Variants in SYN2 observed in about 807,000 individuals in gnomAD.
The protein encoded by SYN2 is synapsin-2.
Under a neutral mutation model 50.9 loss-of-function variants are expected in SYN2, and 19 were observed. The observed-to-expected ratio is 0.37, with a 90% CI of 0.26 to 0.55. SYN2 has a LOEUF of 0.55. SYN2 is among the 20% of genes least tolerant of loss of function. The probability of loss-of-function intolerance (pLI) is 0.81; values close to 1 mark genes in which losing one functional copy is unlikely to be tolerated. For missense variants in SYN2, 587 were observed against 576.4 expected (o/e 1.02, Z -0.19); for synonymous variants, 255 against 224.9 (o/e 1.13, Z -1.20).
At chr3:12,125,810 G>A (rs1696655495) in intron 1 of SYN2, among the ~76,000 whole-genome samples, 1 of 145,774 alleles carries the variant, frequency 6.9e-6, no homozygotes, top group Admixed American at 7.0e-5. Context: ...GCAAATGTCA[G>A]CCCAGCTTGA....
intron 1 of SYN2, among the ~76,000 whole-genome samples, chr3:12,131,003 G>A (rs1191081903): frequency 6.6e-6 from 1 of 152,192 alleles, no homozygotes; most frequent in African/African-American, 2.4e-5. Context: ...AGGCACAGGG[G>A]CTGGGAAACT....
chr3:12,113,433 C>T (rs1212787442), intron 1 of SYN2, among the ~76,000 whole-genome samples: 1 of 152,082 alleles, frequency 6.6e-6, no homozygotes, highest in Non-Finnish European at 1.5e-5. Flanking sequence ...ATATTTACCC[C>T]TCCCCATTTA....
chr3:12,052,164 C>G (rs1035733244), intron 1 of SYN2, among the ~76,000 whole-genome samples: 1 of 152,114 alleles, frequency 6.6e-6, no homozygotes, highest in Non-Finnish European at 1.5e-5. Flanking sequence ...ACATGCTAGG[C>G]GTTGTGCTAG....
At chr3:12,104,570 C>CTT (rs796837275) in intron 1 of SYN2, among the ~76,000 whole-genome samples, 5,876 of 81,440 alleles carry the variant, frequency 0.072, 833 homozygotes, top group African/African-American at 0.19. Flanking sequence ...CTTTTCTTTT[C>CTT]TTTTTTTTTT....
At chr3:12,109,951 G>T (rs1167085108) in intron 1 of SYN2, among the ~76,000 whole-genome samples, 1 of 152,100 alleles carries the variant, frequency 6.6e-6, no homozygotes, top group Admixed American at 6.6e-5. Flanking sequence ...ACTCTCCAAG[G>T]CCAAGATGGG....
intron 1 of SYN2, among the ~76,000 whole-genome samples, chr3:12,099,964 C>CAAAAA (rs1413918070): frequency 1.3e-4 from 1 of 7,666 alleles, no homozygotes; most frequent in Non-Finnish European, 2.4e-4. Context: ...GACTCTGTCT[C>CAAAAA]AAAAAAAAAA....
rs552231127 is a variant in SYN2, at chr3:12,123,280, G to A, written c.378-17371G>A. Among the ~76,000 whole-genome samples, 8 of 152,266 alleles carry A rather than the reference G, an allele frequency of 5.3e-5. No individual in the cohort carries two copies. The South Asian group carries it at 6.2e-4, about 12-fold the overall frequency. ...GAAAAATAAAGCCAGATCTAGACACGTCGTAGTGAAGTTGCAGAGCATCAA... is the reference window on the plus strand; with the variant it reads ...GAAAAATAAAGCCAGATCTAGACACATCGTAGTGAAGTTGCAGAGCATCAA... On this transcript the variant is annotated intron_variant, in intron 1 of 12. Coordinates refer to ENST00000621198, the MANE Select transcript of SYN2 (RefSeq NM_133625.6).
chr3:12,168,546 C>A, intron 9 of SYN2, 68 bp downstream of exon 9: 1 of 1,339,106 alleles, frequency 7.5e-7, no homozygotes, highest in Non-Finnish European at 1.1e-6. Flanking sequence ...GCTCAGACTG[C>A]CTTTAATTTG....
chr3:12,078,608 G>C (rs1011650176), intron 1 of SYN2, among the ~76,000 whole-genome samples: 11 of 152,066 alleles, frequency 7.2e-5, no homozygotes, highest in African/African-American at 2.7e-4. Flanking sequence ...AAGATCAGGT[G>C]GTTGTAGATG....
intron 1 of SYN2, among the ~76,000 whole-genome samples, chr3:12,081,893 G>C (rs1197715753): frequency 6.6e-6 from 1 of 151,968 alleles, no homozygotes; most frequent in African/African-American, 2.4e-5. Flanking sequence ...TTCGTTCTTT[G>C]TGTGCTTATT....
At chr3:12,163,789 C>T (rs75978381) in intron 7 of SYN2, among the ~76,000 whole-genome samples, 5,162 of 152,068 alleles carry the variant, frequency 0.034, 274 homozygotes, top group African/African-American at 0.11. Context: ...GAAATATGCG[C>T]AATGTGGCCA....
At chr3:12,098,118 G>A (rs999750149) in intron 1 of SYN2, among the ~76,000 whole-genome samples, 3 of 152,266 alleles carry the variant, frequency 2.0e-5, no homozygotes, top group East Asian at 1.9e-4. Flanking sequence ...CCCAAAGTCA[G>A]TCTTGAAAGT....
Position 12,069,266 on chromosome 3 carries a change from G to A in SYN2, c.377+64338G>A, listed in dbSNP as rs543647491. On this transcript the variant is annotated intron_variant, in intron 1 of 12. Transcript: ENST00000621198. ...GACCTTTTTTTTTTTTTTTGGAGAC[G>A]GAGTCTCGCCCTTGCCCTGTCACCC... Among the ~76,000 whole-genome samples the A allele has an allele frequency of 1.3e-3, 199 of 150,460 alleles. 1 individual carries two copies. The highest frequency in any genetic ancestry group is 6.0e-3 in the East Asian group (31 of 5,124).
At chr3:12,071,538 C>G in intron 1 of SYN2, 1 of 351,792 alleles carries the variant, frequency 2.8e-6, no homozygotes, top group Non-Finnish European at 5.7e-6. Flanking sequence ...GAACTTGTTG[C>G]TGATTTTGAC....
chr3:12,158,801 A>G, intron 5 of SYN2: 1 of 1,602,420 alleles, frequency 6.2e-7, no homozygotes, highest in Non-Finnish European at 8.5e-7. Flanking sequence ...AGCCGCAGCA[A>G]CAGCACCCAG....
At chr3:12,069,244 CT>C (rs57716121) in intron 1 of SYN2, among the ~76,000 whole-genome samples, 114,674 of 128,292 alleles carry the variant, frequency 0.89, 51,049 homozygotes, top group East Asian at 0.98. Flanking sequence ...ATTGTATGAC[CT>C]TTTTTTTTTT....
rs147346824 is a variant in SYN2 at position 12,060,990 on chromosome 3, A to T, written c.377+56062A>T. Reference sequence around the variant, plus strand: ...TAATATGGTAAACGCTCTGATGGAAAAAGTAGATAACATGAAAGAACAGAT... The same window carrying T: ...TAATATGGTAAACGCTCTGATGGAATAAGTAGATAACATGAAAGAACAGAT... On this transcript the variant is annotated intron_variant, in intron 1 of 12. Coordinates refer to ENST00000621198, the MANE Select transcript of SYN2 (RefSeq NM_133625.6). 1.2e-3 allele frequency among the ~76,000 whole-genome samples: 188 copies of T among 152,308 alleles called. 1 individual carries two copies. The highest frequency in any genetic ancestry group is 2.1e-3 in the Non-Finnish European group (143 of 68,018).
intron 1 of SYN2, among the ~76,000 whole-genome samples, chr3:12,040,128 A>G (rs1173203568): frequency 6.6e-6 from 1 of 152,202 alleles, no homozygotes. Flanking sequence ...GAGAGACTAC[A>G]TGGATTTTCA....
chr3:12,055,500 C>T (rs1294905109), intron 1 of SYN2, among the ~76,000 whole-genome samples: 1 of 152,110 alleles, frequency 6.6e-6, no homozygotes, highest in Non-Finnish European at 1.5e-5. Context: ...GATTTCCTTG[C>T]ATACAGGAAA....
Sources: gnomAD v4.1 joint callset for allele counts (sites outside exome capture counted in the v4.1 genomes callset) on GRCh38, gnomAD v4.1.1 for gene constraint, MANE v1.5 for transcripts, NCBI Gene and HGNC (gene_info 2026-07-23, HGNC 2026-07-21) for gene names.